RRP1B: variants seen among roughly 807,000 people sequenced by gnomAD.
RRP1B encodes the protein ribosomal RNA processing 1B, also known as ribosomal RNA processing protein 1 homolog B.
Under a neutral mutation model 80.2 loss-of-function variants are expected in RRP1B, and 56 were observed. That is an observed-to-expected ratio of 0.70 (90% CI 0.56 to 0.87). The LOEUF (loss-of-function observed/expected upper bound fraction) is 0.87, where lower values mean the gene tolerates loss of function less well. RRP1B is among the 40% of genes least tolerant of loss of function. RRP1B has a pLI of 0.00. For missense variants in RRP1B, 807 were observed against 939.8 expected (o/e 0.86, Z 1.85); for synonymous variants, 351 against 357.6 (o/e 0.98, Z 0.21).
In RRP1B at chr21:43,676,813, T is replaced by C. The variant is rs745346249; in HGVS notation, c.695T>C (p.Met232Thr). The change falls in exon 8 of 16, where the codon ATG becomes ACG. Residue 232 changes from methionine (M) to threonine (T), a missense_variant. Transcript: ENST00000340648. ...DQSPFVPEETMEEQKTKVGDG... is the reference protein window; with the variant it reads ...DQSPFVPEETTEEQKTKVGDG... ...TCTCCTTTTGTGCCTGAAGAGACGA[T>C]GGAGGAACAGAAGACAAAAGTGGGT... 6.2e-7 allele frequency: 1 copy of C among 1,614,210 alleles called. No individual in the cohort carries two copies. Among genetic ancestry groups the C allele is most frequent in the Non-Finnish European group, 8.5e-7 (1 of 1,180,030 alleles).
intron 1 of RRP1B, among the ~76,000 whole-genome samples, chr21:43,664,290 G>A (rs1282516529): frequency 2.8e-5 from 4 of 141,784 alleles, no homozygotes; most frequent in Non-Finnish European, 6.0e-5. Context: ...TCGCACCATT[G>A]CACTGCAGCC....
chr21:43,676,554 C>T (rs763668420), intron 7 of RRP1B, among the ~76,000 whole-genome samples, 179 bp from the exon 8 acceptor site: 14 of 152,246 alleles, frequency 9.2e-5, no homozygotes, highest in African/African-American at 2.9e-4. Flanking sequence ...AAGATCTGAC[C>T]GCTGGGCGTC....
chr21:43,669,886 G>GGTTT lies in RRP1B; in HGVS notation c.134_137dup (p.Phe46LeufsTer23), dbSNP rs1268744683. On this transcript the variant is annotated frameshift_variant, in exon 2 of 16. Transcript: ENST00000340648. LOFTEE classifies it high-confidence loss of function. ...GTTTGTATTGTTTTGCCTTCCAGGA[G>GGTTT]GTTTCAGTCAGGAAGAACTTCTGAA... The GGTTT allele has an allele frequency of 6.2e-7, 1 of 1,610,676 alleles. No individual in the cohort carries two copies. Among genetic ancestry groups the GGTTT allele is most frequent in the Non-Finnish European group, 8.5e-7 (1 of 1,177,458 alleles).
chr21:43,674,906 A>G, intron 5 of RRP1B, 128 bp from the exon 6 acceptor site: 1 of 1,318,522 alleles, frequency 7.6e-7, no homozygotes, highest in Non-Finnish European at 1.0e-6. Context: ...TTTTCCTTGT[A>G]AAATGATTTC....
At chr21:43,660,756 A>AGACC (rs952859447) in intron 1 of RRP1B, among the ~76,000 whole-genome samples, 2 of 152,128 alleles carry the variant, frequency 1.3e-5, no homozygotes, top group Non-Finnish European at 2.9e-5. Flanking sequence ...GTGGTTTGAA[A>AGACC]GACCAATAAG....
At position 43,685,868 on chromosome 21, in the gene RRP1B, G is replaced by A; in HGVS notation, c.1009+79G>A. On this transcript the variant is annotated intron_variant, in intron 11 of 15. Coordinates refer to ENST00000340648, the MANE Select transcript of RRP1B (RefSeq NM_015056.3). Reference sequence around the variant, plus strand: ...ACTGGGGGCGTTGATGCCAAACGCTGAGAAACAAGATTGAAAGAACTTTAC... The same window carrying A: ...ACTGGGGGCGTTGATGCCAAACGCTAAGAAACAAGATTGAAAGAACTTTAC... 6 of 1,510,256 alleles carry A rather than the reference G, an allele frequency of 4.0e-6. No homozygotes were observed. In the South Asian group the frequency reaches 6.6e-5, roughly 16 times the overall value. The allele number at this position is 1,510,256 out of a possible 1,614,324, so 93.6% of individuals were successfully genotyped here.
chr21:43,684,439 C>A, intron 9 of RRP1B, 114 bp from the exon 10 acceptor site: 2 of 866,404 alleles, frequency 2.3e-6, no homozygotes, highest in Non-Finnish European at 3.9e-6. Flanking sequence ...GCTTGTTTAG[C>A]CTATCTGTTG....
intron 4 of RRP1B, 68 bp downstream of exon 4, chr21:43,674,023 T>C (rs1240010265): frequency 1.7e-6 from 2 of 1,186,392 alleles, no homozygotes; most frequent in East Asian, 4.7e-5. Context: ...TTAAAAACAA[T>C]GGGAAGGTTT....
chr21:43,676,776 A>T lies in RRP1B; in HGVS notation c.658A>T (p.Ile220Phe), dbSNP rs2083024354. ...QTIARGVFEAIVDQSPFVPEE... is the reference protein window; with the variant it reads ...QTIARGVFEAFVDQSPFVPEE... ...CATAGCTCGGGGTGTCTTCGAAGCT[A>T]TCGTAGATCAGTCTCCTTTTGTGCC... Residue 220 changes from isoleucine (I) to phenylalanine (F), a missense_variant, in exon 8 of 16, where the codon ATC becomes TTC. Ile to Phe is a conservative substitution (Grantham distance 21). Coordinates refer to ENST00000340648, the MANE Select transcript of RRP1B (RefSeq NM_015056.3). 6.2e-7 allele frequency: 1 copy of T among 1,614,248 alleles called. No individual in the cohort carries two copies. The highest frequency in any genetic ancestry group is 1.1e-5 in the South Asian group (1 of 91,086).
At chr21:43,663,578 G>C (rs777582714) in intron 1 of RRP1B, among the ~76,000 whole-genome samples, 1 of 151,394 alleles carries the variant, frequency 6.6e-6, no homozygotes, top group Non-Finnish European at 1.5e-5. Context: ...TTTTTTGAGA[G>C]ACAGAGACTT....
chr21:43,686,772 G>C (rs1287394460), intron 11 of RRP1B, 32 bp from the exon 12 acceptor site: 2 of 1,612,252 alleles, frequency 1.2e-6, no homozygotes, highest in East Asian at 2.2e-5. Flanking sequence ...GAGCGCCTGG[G>C]GAAGCTAACA....
chr21:43,693,278 G>T lies in RRP1B; in HGVS notation c.2172G>T (p.Gly724=). ...AFDPEQKPLH[G]VLKTPTSSPA... is the part of the protein sequence containing the mutation. ...ACCCTGAACAGAAGCCCCTCCACGG[G>T]GTGCTGAAGACCCCCACCAGCTCAC... Residue 724 remains glycine, a synonymous_variant, in exon 16 of 16, where the codon GGG becomes GGT. Transcript: ENST00000340648. This position sits in a 1 kb window ranked among gnomAD's most constrained non-coding sequence, Gnocchi z 4.1. 6.2e-7 allele frequency: 1 copy of T among 1,613,942 alleles called. No individual in the cohort carries two copies. Among genetic ancestry groups the T allele is most frequent in the Non-Finnish European group, 8.5e-7 (1 of 1,179,984 alleles).
intron 1 of RRP1B, among the ~76,000 whole-genome samples, chr21:43,664,108 C>T (rs1338818313): frequency 2.6e-5 from 4 of 152,040 alleles, no homozygotes; most frequent in Non-Finnish European, 5.9e-5. Context: ...GGTGAACACA[C>T]ACACACAGAC....
At position 43,659,612 on chromosome 21, in the gene RRP1B, C is replaced by T; in HGVS notation, c.-53C>T. ...TGGCTGGCTGCTCCGCAGCGCTCGG[C>T]TGGCTGCAGCGGCACCGCGGGTTGC... On this transcript the variant is annotated 5_prime_UTR_variant, in exon 1 of 16. Coordinates refer to ENST00000340648, the MANE Select transcript of RRP1B (RefSeq NM_015056.3). The surrounding 1 kb of genome is among the most constrained non-coding windows in gnomAD (Gnocchi z 4.2). The T allele has an allele frequency of 1.4e-6, 2 of 1,385,146 alleles. No homozygotes were observed. The highest frequency in any genetic ancestry group is 1.9e-6 in the Non-Finnish European group (2 of 1,069,280). The allele number at this position is 1,385,146 out of a possible 1,614,324, so 85.8% of individuals were successfully genotyped here.
At chr21:43,685,017 A>G (rs2083057693) in intron 10 of RRP1B, among the ~76,000 whole-genome samples, 1 of 152,068 alleles carries the variant, frequency 6.6e-6, no homozygotes, top group Admixed American at 6.5e-5. Context: ...CCTCCCTCCC[A>G]TATGGCTATG....
At position 43,669,256 on chromosome 21, in the gene RRP1B, G is replaced by A. The variant is rs565121514; in HGVS notation, c.131-628G>A. On this transcript the variant is annotated intron_variant, in intron 1 of 15. Coordinates refer to ENST00000340648, the MANE Select transcript of RRP1B (RefSeq NM_015056.3). ...GGTGATGCCACAGTAAATGATCACC[G>A]TTACAGGGAGGGTGACTGGGAGGCA... Among the ~76,000 whole-genome samples the A allele has an allele frequency of 9.3e-4, 142 of 152,236 alleles. 1 individual carries two copies. Among genetic ancestry groups the A allele is most frequent in the Non-Finnish European group, 1.7e-3 (113 of 68,018 alleles).
intron 12 of RRP1B, 116 bp from the exon 13 acceptor site, chr21:43,687,400 T>C (rs1029234671): frequency 1.6e-6 from 2 of 1,243,562 alleles, no homozygotes; most frequent in African/African-American, 3.0e-5. Flanking sequence ...ACAGGAACTT[T>C]CCTCGTGGTA....
chr21:43,672,275 C>T (rs778982212), intron 2 of RRP1B, 33 bp from the exon 3 acceptor site: 17 of 1,607,388 alleles, frequency 1.1e-5, no homozygotes, highest in Non-Finnish European at 1.4e-5. Flanking sequence ...CCCACGATAA[C>T]CCCCATGTTT....
intron 13 of RRP1B, among the ~76,000 whole-genome samples, 156 bp downstream of exon 13, chr21:43,688,396 A>G (rs963895396): frequency 6.6e-5 from 10 of 152,202 alleles, no homozygotes; most frequent in African/African-American, 2.4e-4. Context: ...AGCCTTCACT[A>G]AGGAGGAAAT....
Sources: gnomAD v4.1 joint callset for allele counts (sites outside exome capture counted in the v4.1 genomes callset) on GRCh38, gnomAD v4.1.1 for gene constraint, Gnocchi (gnomAD v3.1) non-coding constraint, MANE v1.5 for transcripts, NCBI Gene and HGNC (gene_info 2026-07-23, HGNC 2026-07-21) for gene names.